DCLK1: variants seen among roughly 807,000 people sequenced by gnomAD.
DCLK1 encodes the protein doublecortin like kinase 1, also known as serine/threonine-protein kinase DCLK1.
A neutral mutation model predicts 86.2 loss-of-function variants in DCLK1; 16 were observed. The ratio of observed to expected loss-of-function variants is 0.19; its 90% CI spans 0.13 to 0.28. The LOEUF (loss-of-function observed/expected upper bound fraction) is 0.28. DCLK1 is among the 10% of genes least tolerant of loss of function. DCLK1 has a pLI of 1.00. For synonymous variants in DCLK1, 369 were observed against 370.5 expected (o/e 1.00, Z 0.05); for missense variants, 590 against 940.2 (o/e 0.63, Z 4.87).
chr13:35,864,065 C>T (rs1365707214), intron 5 of DCLK1, among the ~76,000 whole-genome samples: 4 of 152,218 alleles, frequency 2.6e-5, no homozygotes, highest in East Asian at 3.9e-4. Context: ...CCAACGTTGC[C>T]GGTCCACTAT....
intron 5 of DCLK1, among the ~76,000 whole-genome samples, chr13:35,867,943 A>AAGAAAG (rs1871954665): frequency 7.2e-6 from 1 of 138,530 alleles, no homozygotes; most frequent in African/African-American, 2.7e-5. Context: ...GAAAGAAAGA[A>AAGAAAG]AGAAAGAAAG....
At position 35,871,126 on chromosome 13, in the gene DCLK1, A is replaced by G. The variant is rs770287021; in HGVS notation, c.940+98T>C. ...TCTAAAATTATAAACCGGAACCTAC[A>G]CTCGCTTAAAAACCTCACACTCTAG... On this transcript the variant is annotated intron_variant, in intron 5 of 16. Transcript: ENST00000360631. The G allele has an allele frequency of 1.4e-4, 130 of 958,600 alleles. 1 individual carries two copies. In the Admixed American group the frequency reaches 1.7e-3, roughly 12 times the overall value. 59.4% of individuals were successfully genotyped at this position (958,600 alleles called of 1,614,324 possible).
chr13:36,126,189 T>C, intron 1 of DCLK1, 33 bp from the exon 2 acceptor site: 2 of 1,509,496 alleles, frequency 1.3e-6, no homozygotes, highest in Non-Finnish European at 8.8e-7. Flanking sequence ...CAGACACACA[T>C]ATTGATGTAG....
At chr13:35,798,724 T>C (rs1041147356) in intron 15 of DCLK1, among the ~76,000 whole-genome samples, 1 of 152,244 alleles carries the variant, frequency 6.6e-6, no homozygotes, top group Non-Finnish European at 1.5e-5. Context: ...CGTTTAAAAT[T>C]TGTGAATATC....
At chr13:35,914,361 A>ATG (rs1875267991) in intron 4 of DCLK1, among the ~76,000 whole-genome samples, 7 of 90,284 alleles carry the variant, frequency 7.8e-5, no homozygotes, top group African/African-American at 4.0e-4. Flanking sequence ...ATATATATAT[A>ATG]TATATATGTA....
intron 4 of DCLK1, among the ~76,000 whole-genome samples, chr13:35,944,733 C>CAT (rs1877270678): frequency 2.0e-5 from 3 of 152,008 alleles, no homozygotes; most frequent in African/African-American, 7.3e-5. Flanking sequence ...TATTATTCAT[C>CAT]CAGGGAAGGG....
At chr13:35,960,761 A>G (rs1339822643) in intron 3 of DCLK1, among the ~76,000 whole-genome samples, 13 of 152,216 alleles carry the variant, frequency 8.5e-5, no homozygotes, top group Non-Finnish European at 1.5e-4. Context: ...CTGGCCAAAA[A>G]AAAATCAGAG....
intron 4 of DCLK1, among the ~76,000 whole-genome samples, chr13:35,886,564 C>A (rs188763358): frequency 1.3e-5 from 2 of 152,088 alleles, no homozygotes; most frequent in Admixed American, 6.5e-5. Flanking sequence ...TGAGATCCAC[C>A]GGAGAAATTC....
chr13:36,093,804 A>G (rs1440207054), intron 3 of DCLK1, among the ~76,000 whole-genome samples: 2 of 152,174 alleles, frequency 1.3e-5, no homozygotes, highest in Non-Finnish European at 2.9e-5. Context: ...ACATTAATAG[A>G]GCTTAGATAG....
chr13:35,959,189 T>G (rs1271428933), intron 3 of DCLK1, among the ~76,000 whole-genome samples: 3 of 152,198 alleles, frequency 2.0e-5, no homozygotes, highest in African/African-American at 7.2e-5. Flanking sequence ...ACTATGTATA[T>G]TAGAGCATCT....
intron 3 of DCLK1, among the ~76,000 whole-genome samples, chr13:36,049,799 C>T (rs1640513916): frequency 6.6e-6 from 1 of 152,068 alleles, no homozygotes; most frequent in African/African-American, 2.4e-5. Context: ...GCAAAAGTAA[C>T]AATAACAGTG....
intron 3 of DCLK1, among the ~76,000 whole-genome samples, chr13:36,038,308 C>A (rs918495161): frequency 6.6e-6 from 1 of 152,104 alleles, no homozygotes; most frequent in South Asian, 2.1e-4. Flanking sequence ...TTTTAAGGCC[C>A]GGAGATGGTT....
intron 14 of DCLK1, among the ~76,000 whole-genome samples, chr13:35,807,373 C>G (rs1323080962): frequency 1.3e-5 from 2 of 152,172 alleles, no homozygotes; most frequent in African/African-American, 4.8e-5. Flanking sequence ...AACAATGAAC[C>G]TTGTGTTTTC....
intron 3 of DCLK1, among the ~76,000 whole-genome samples, chr13:36,046,759 T>C (rs1167476941): frequency 6.6e-6 from 1 of 152,218 alleles, no homozygotes; most frequent in Non-Finnish European, 1.5e-5. Context: ...GGAGAAGGAC[T>C]GGGACTAATG....
At chr13:35,840,731 CAG>C (rs1211058298) in intron 6 of DCLK1, among the ~76,000 whole-genome samples, 1 of 152,166 alleles carries the variant, frequency 6.6e-6, no homozygotes, top group Non-Finnish European at 1.5e-5. Context: ...CACCTTGACA[CAG>C]AGTTTTTCTT....
intron 3 of DCLK1, among the ~76,000 whole-genome samples, chr13:35,971,018 T>C (rs1404181292): frequency 6.6e-6 from 1 of 152,110 alleles, no homozygotes; most frequent in South Asian, 2.1e-4. Flanking sequence ...ACAAATTTGT[T>C]AGGGTAACAT....
At chr13:36,022,249 G>C (rs962186637) in intron 3 of DCLK1, among the ~76,000 whole-genome samples, 1 of 151,884 alleles carries the variant, frequency 6.6e-6, no homozygotes, top group African/African-American at 2.4e-5. Context: ...CACAACACAA[G>C]CTGATAAGAT....
chr13:35,796,665 C>A (rs3890217), intron 15 of DCLK1, among the ~76,000 whole-genome samples: 53,860 of 151,810 alleles, frequency 0.35, 10,061 homozygotes, highest in East Asian at 0.65. Context: ...TCATTTGCTC[C>A]ACGTCACATA....
intron 4 of DCLK1, among the ~76,000 whole-genome samples, chr13:35,922,334 A>G (rs1875848688): frequency 6.6e-6 from 1 of 152,110 alleles, no homozygotes. Context: ...CCCTTTCCCC[A>G]TTACTCATGA....
Sources: gnomAD v4.1 joint callset for allele counts (sites outside exome capture counted in the v4.1 genomes callset) on GRCh38, gnomAD v4.1.1 for gene constraint, MANE v1.5 for transcripts, NCBI Gene and HGNC (gene_info 2026-07-23, HGNC 2026-07-21) for gene names.